The following HEATR4 variants were observed in gnomAD, a reference collection of about 807,000 sequenced individuals.
HEATR4 encodes the protein HEAT repeat containing 4.
Under a neutral mutation model 108.8 loss-of-function variants are expected in HEATR4, and 95 were observed. The observed-to-expected ratio is 0.87, with a 90% CI of 0.74 to 1.04. The LOEUF is 1.04. HEATR4 is among the 50% of genes least tolerant of loss of function. The probability of loss-of-function intolerance (pLI) is 0.00; values close to 1 mark genes in which losing one functional copy is unlikely to be tolerated. For synonymous variants in HEATR4, 443 were observed against 459.4 expected, an observed-to-expected ratio of 0.96 and a Z score of 0.46; for missense variants, 1,152 against 1,253.8, an observed-to-expected ratio of 0.92 and a Z score of 1.23.
rs571262582 is a variant in HEATR4, at chr14:73,500,558, C to T, written c.2278G>A (p.Asp760Asn). The change falls in exon 12 of 18, where the codon GAC (aspartate) becomes AAC (asparagine). Residue 760 changes from aspartate (D) to asparagine (N), a missense_variant. Physicochemically the swap from Asp to Asn is conservative, Grantham distance 23. Transcript: ENST00000553558. ...CLAAGALQIR[D>N]KMVLECLLNL... ...ATGTTTCCCTGACTCACCATCTTGTCGCGGATCTGCAGGGCACCAGCTGCC... is the reference window on the plus strand; with the variant it reads ...ATGTTTCCCTGACTCACCATCTTGTTGCGGATCTGCAGGGCACCAGCTGCC... 62 of 1,612,630 alleles carry T rather than the reference C, an allele frequency of 3.8e-5. No homozygotes were observed. Among genetic ancestry groups the T allele is most frequent in the South Asian group, 2.6e-4 (24 of 90,976 alleles).
chr14:73,569,227 G>T, the HEATR4 span: 2 of 1,612,334 alleles, frequency 1.2e-6, no homozygotes, highest in South Asian at 1.1e-5. Context: ...AGCCTGCGAC[G>T]GCAGCCCGAG....
chr14:73,583,368 T>C, the HEATR4 span, among the ~76,000 whole-genome samples: 1 of 146,728 alleles, frequency 6.8e-6, no homozygotes, highest in Non-Finnish European at 1.5e-5. Context: ...AAAAAAAGAA[T>C]GCAGTTTCCA....
upstream of HEATR4, among the ~76,000 whole-genome samples, chr14:73,561,889 A>C (rs535627681): frequency 6.6e-6 from 1 of 152,154 alleles, no homozygotes; most frequent in South Asian, 2.1e-4. Flanking sequence ...GGAGACTGAG[A>C]TGGGAGGATT....
Position 73,492,282 on chromosome 14 carries a change from C to T in HEATR4, c.2844+784G>A, listed in dbSNP as rs1412619994. On this transcript the variant is annotated intron_variant, in intron 17 of 17. Transcript: ENST00000553558. This position sits in a 1 kb window ranked among gnomAD's most constrained non-coding sequence, Gnocchi z 4.9. ...CACTCTCTGCACCTCACCTTGTCCACGTACCAGCGCAATACCTGGGGTGAC... is the reference window on the plus strand; with the variant it reads ...CACTCTCTGCACCTCACCTTGTCCATGTACCAGCGCAATACCTGGGGTGAC... 1 of 1,613,900 alleles carries T rather than the reference C, an allele frequency of 6.2e-7. No homozygotes were observed. Among genetic ancestry groups the T allele is most frequent in the African/African-American group, 1.3e-5 (1 of 74,936 alleles).
the HEATR4 span, among the ~76,000 whole-genome samples, chr14:73,629,738 G>C: frequency 6.6e-6 from 1 of 151,254 alleles, no homozygotes; most frequent in East Asian, 1.9e-4. Context: ...TCTGCCTCCC[G>C]GGTTCACGCC....
the HEATR4 span, among the ~76,000 whole-genome samples, chr14:73,606,837 C>T: frequency 6.1e-4 from 93 of 152,318 alleles, no homozygotes; most frequent in African/African-American, 2.0e-3. Flanking sequence ...ACTGGGCAGT[C>T]TTCATTCACC....
At position 73,523,226 on chromosome 14, in the gene HEATR4, T is replaced by G. The variant is rs1566842008; in HGVS notation, c.-72-2A>C. 7.0e-7 allele frequency: 1 copy of G among 1,419,258 alleles called. No individual in the cohort carries two copies. The highest frequency in any genetic ancestry group is 1.4e-5 in the South Asian group (1 of 71,640). The allele number at this position is 1,419,258 out of a possible 1,614,324, so 87.9% of individuals were successfully genotyped here. On this transcript the variant is annotated splice_acceptor_variant, in intron 2 of 17. Coordinates refer to ENST00000553558, the MANE Select transcript of HEATR4 (RefSeq NM_001220484.1). LOFTEE classifies it low-confidence loss of function (5UTR_SPLICE). ...AGGCCTGGAGATGAGACCTGGCACC[T>G]GTTAAGGGAATGGGAGGAACTGATG...
chr14:73,525,968 A>T lies in HEATR4; in HGVS notation c.-72-2744T>A, dbSNP rs1566843723. On this transcript the variant is annotated intron_variant, in intron 2 of 17. Transcript: ENST00000553558. ...ACTCCTTATTTAAAAAAAAAAAAAA[A>T]GCATCTTCATAAGAAACAAAAAATC... Among the ~76,000 whole-genome samples the T allele has an allele frequency of 2.9e-5, 4 of 139,004 alleles. No homozygotes were observed. In the South Asian group the frequency reaches 6.8e-4, roughly 24 times the overall value. 91.2% of individuals were successfully genotyped at this position (139,004 alleles called of 152,430 possible). A position where few individuals can be genotyped will look rare whatever the true frequency, so the allele number is the denominator to read the frequency against.
chr14:73,554,991 A>T (rs1178319233), intron 1 of HEATR4, among the ~76,000 whole-genome samples: 1 of 114,118 alleles, frequency 8.8e-6, no homozygotes, highest in African/African-American at 2.8e-5. Context: ...TCAACTTTGG[A>T]TTATGAAACC....
chr14:73,560,674 AAAG>A (rs1889518110), upstream of HEATR4, among the ~76,000 whole-genome samples: 1 of 151,384 alleles, frequency 6.6e-6, no homozygotes, highest in African/African-American at 2.4e-5. Flanking sequence ...AAAAAAAAAA[AAAG>A]AAAATTAAAT....
the HEATR4 span, among the ~76,000 whole-genome samples, chr14:73,576,793 CAAA>C: frequency 1.3e-3 from 16 of 12,104 alleles, no homozygotes; most frequent in Admixed American, 3.0e-3. Context: ...GACACAGTCT[CAAA>C]AAAAAAAAAA....
At chr14:73,616,945 T>C in the HEATR4 span, 1 of 608,090 alleles carries the variant, frequency 1.6e-6, no homozygotes, top group African/African-American at 1.8e-5. Flanking sequence ...TTGCTTACTG[T>C]CTTTTGAGAA....
chr14:73,538,774 C>G lies in HEATR4; in HGVS notation c.-151-8530G>C, dbSNP rs1888971651. On this transcript the variant is annotated intron_variant, in intron 1 of 17. Transcript: ENST00000553558. ...AGGCGGATCAAGAGTTCGAGACCAG[C>G]CTGGCCAACATGGTGAAACCCCGTC... 2.6e-5 allele frequency among the ~76,000 whole-genome samples: 3 copies of G among 113,612 alleles called. 1 individual carries two copies. The highest frequency in any genetic ancestry group is 8.6e-5 in the African/African-American group (3 of 34,800). 74.5% of individuals were successfully genotyped at this position (113,612 alleles called of 152,430 possible). A position where few individuals can be genotyped will look rare whatever the true frequency, so the allele number is the denominator to read the frequency against.
chr14:73,534,828 G>A (rs1200216400), intron 1 of HEATR4, among the ~76,000 whole-genome samples: 2 of 103,336 alleles, frequency 1.9e-5, no homozygotes, highest in African/African-American at 6.3e-5. Context: ...TTTTTTAAGG[G>A]ATGAGGTCTT....
chr14:73,499,780 G>A (rs922068671), intron 12 of HEATR4, among the ~76,000 whole-genome samples: 13 of 152,146 alleles, frequency 8.5e-5, no homozygotes, highest in African/African-American at 2.9e-4. Flanking sequence ...CAGCACCCAG[G>A]TAATGAGAAG....
At chr14:73,630,376 T>C in the HEATR4 span, among the ~76,000 whole-genome samples, 1 of 152,232 alleles carries the variant, frequency 6.6e-6, no homozygotes, top group Non-Finnish European at 1.5e-5. Context: ...AGTCAACTTC[T>C]CTTCTGCTGG....
In HEATR4 at chr14:73,500,612, A is replaced by G. The variant is rs1186692379; in HGVS notation, c.2224T>C (p.Phe742Leu). 2 of 1,614,158 alleles carry G rather than the reference A, an allele frequency of 1.2e-6. No homozygotes were observed. Among genetic ancestry groups the G allele is most frequent in the Non-Finnish European group, 1.7e-6 (2 of 1,180,034 alleles). Residue 742 changes from phenylalanine to leucine, a missense_variant, in exon 12 of 18, where the codon TTC (phenylalanine) becomes CTC (leucine). Coordinates refer to ENST00000553558, the MANE Select transcript of HEATR4 (RefSeq NM_001220484.1). ...PSFLHCFSDD[F>L]TAVRRAACLA... ...CAGGCTGCCCGCCGAACTGCTGTGA[A>G]GTCATCAGAGAAGCAGTGCAGGAAG... is the stretch of plus-strand genomic sequence containing the variant.
rs764746561 is a variant in HEATR4 at position 73,492,401 on chromosome 14, A to C, written c.2844+665T>G. On this transcript the variant is annotated intron_variant, in intron 17 of 17. Transcript: ENST00000553558. The surrounding 1 kb of genome is among the most constrained non-coding windows in gnomAD (Gnocchi z 4.9). ...TCTGCCCCGAGACTTCATGGATTAC[A>C]TGGGGGCCCAGCATTCAGATTCTAA... is the stretch of plus-strand genomic sequence containing the variant. 1.9e-6 allele frequency: 3 copies of C among 1,613,852 alleles called. No individual in the cohort carries two copies. Among genetic ancestry groups the C allele is most frequent in the South Asian group, 1.1e-5 (1 of 91,072 alleles).
chr14:73,559,657 G>A (rs146214784), upstream of HEATR4, among the ~76,000 whole-genome samples: 1,592 of 152,018 alleles, frequency 0.01, 26 homozygotes, highest in African/African-American at 0.037. Context: ...CAGGAGAATC[G>A]CTTGGACCCA....
Sources: gnomAD v4.1 joint callset for allele counts (sites outside exome capture counted in the v4.1 genomes callset) on GRCh38, gnomAD v4.1.1 for gene constraint, Gnocchi (gnomAD v3.1) non-coding constraint, MANE v1.5 for transcripts, NCBI Gene and HGNC (gene_info 2026-07-23, HGNC 2026-07-21) for gene names.